Variants in DLG2 observed in about 807,000 individuals in gnomAD.
DLG2 encodes disks large homolog 2.
DLG2 carries 45 observed loss-of-function variants against 132.5 expected under a neutral mutation model. That is an observed-to-expected ratio of 0.34 (90% CI 0.27 to 0.44). DLG2 has a LOEUF of 0.44. DLG2 is among the 20% of genes least tolerant of loss of function. The pLI, the probability that DLG2 is intolerant of heterozygous loss-of-function variation, is 1.00. For missense variants in DLG2, 1,045 were observed against 1,196.9 expected (o/e 0.87, Z 1.87); for synonymous variants, 424 against 419.6 (o/e 1.01, Z -0.13).
At chr11:84,934,525 GTTTTTTTTTT>G (rs757894179) in intron 6 of DLG2, among the ~76,000 whole-genome samples, 1 of 38,636 alleles carries the variant, frequency 2.6e-5, no homozygotes, top group African/African-American at 1.1e-4. Flanking sequence ...GTTTTGTTTT[GTTTTTTTTTT>G]TTTTTTTTTT....
intron 3 of DLG2, among the ~76,000 whole-genome samples, chr11:85,542,384 T>C (rs1267803796): frequency 6.6e-6 from 1 of 152,174 alleles, no homozygotes; most frequent in African/African-American, 2.4e-5. Context: ...ATATTATACC[T>C]ATGCATTTGA....
At chr11:84,332,218 T>C (rs1274995331) in intron 7 of DLG2, among the ~76,000 whole-genome samples, 3 of 150,828 alleles carry the variant, frequency 2.0e-5, no homozygotes, top group Non-Finnish European at 3.0e-5. Flanking sequence ...TTTTTTTTTT[T>C]TTTCTTTTTC....
At chr11:83,685,027 T>C (rs988534468) in intron 18 of DLG2, among the ~76,000 whole-genome samples, 1 of 152,210 alleles carries the variant, frequency 6.6e-6, no homozygotes, top group African/African-American at 2.4e-5. Flanking sequence ...TAGTATTTAT[T>C]GAGCACTTAT....
intron 6 of DLG2, among the ~76,000 whole-genome samples, chr11:84,725,727 T>C (rs1028295373): frequency 6.6e-6 from 1 of 152,180 alleles, no homozygotes; most frequent in East Asian, 1.9e-4. Flanking sequence ...ATGGTGATAA[T>C]ACTATAGCAT....
rs543583428 is a variant in DLG2, at chr11:84,420,782, C to T, written c.519+113788G>A. Among the ~76,000 whole-genome samples the T allele has an allele frequency of 2.1e-3, 307 of 148,402 alleles. 2 individuals carry two copies. Among genetic ancestry groups the T allele is most frequent in the African/African-American group, 7.2e-3 (292 of 40,658 alleles). On this transcript the variant is annotated intron_variant, in intron 7 of 27. Transcript: ENST00000376104. ...CTCCCGGGTTCACGCCATTCTCCTG[C>T]CTCAGCCTCCCAAGTAGCTGGGACT...
At chr11:84,640,310 T>G in intron 6 of DLG2, 2 of 344,294 alleles carry the variant, frequency 5.8e-6, no homozygotes, top group South Asian at 4.8e-5. Context: ...TCTAGGAGAA[T>G]GGGTCTCTTG....
intron 3 of DLG2, among the ~76,000 whole-genome samples, chr11:85,451,482 A>G (rs180892854): frequency 8.7e-4 from 133 of 152,260 alleles, no homozygotes; most frequent in African/African-American, 3.1e-3. Flanking sequence ...GACTTGCTTT[A>G]TTGTAATATT....
At chr11:85,023,115 T>C (rs1004780213) in intron 6 of DLG2, among the ~76,000 whole-genome samples, 1 of 151,992 alleles carries the variant, frequency 6.6e-6, no homozygotes, top group African/African-American at 2.4e-5. Flanking sequence ...CTCTCACTTA[T>C]CAGTAAACCT....
chr11:85,507,775 T>C (rs527464534), intron 3 of DLG2, among the ~76,000 whole-genome samples: 11 of 152,256 alleles, frequency 7.2e-5, no homozygotes, highest in African/African-American at 2.4e-4. Flanking sequence ...TCTGGGAAGT[T>C]CTCCTGGATA....
intron 6 of DLG2, among the ~76,000 whole-genome samples, chr11:84,658,383 G>C (rs574570304): frequency 2.0e-5 from 3 of 152,102 alleles, no homozygotes; most frequent in African/African-American, 7.2e-5. Flanking sequence ...GTGTGATGGC[G>C]TTAGAAGGTG....
chr11:84,420,581 G>A (rs1271768587), intron 7 of DLG2, among the ~76,000 whole-genome samples: 3 of 147,660 alleles, frequency 2.0e-5, no homozygotes, highest in African/African-American at 7.4e-5. Flanking sequence ...AACCAATCAG[G>A]CCTTTAGAAT....
chr11:83,587,541 G>A (rs1233139539), intron 19 of DLG2, among the ~76,000 whole-genome samples: 1 of 152,150 alleles, frequency 6.6e-6, no homozygotes, highest in Non-Finnish European at 1.5e-5. Flanking sequence ...AAAGTGCTGG[G>A]ATTATAGGCA....
At chr11:84,345,564 A>G (rs1050857520) in intron 7 of DLG2, among the ~76,000 whole-genome samples, 10 of 152,324 alleles carry the variant, frequency 6.6e-5, no homozygotes, top group African/African-American at 2.4e-4. Context: ...AAAGAGTCAC[A>G]TGAAGATTCT....
At chr11:84,215,250 C>G (rs1272699753) in intron 8 of DLG2, among the ~76,000 whole-genome samples, 1 of 152,144 alleles carries the variant, frequency 6.6e-6, no homozygotes, top group Admixed American at 6.6e-5. Context: ...TAGAAAACTT[C>G]CACCTGATCA....
chr11:83,922,308 G>C (rs1045281247), intron 15 of DLG2, among the ~76,000 whole-genome samples: 1 of 152,042 alleles, frequency 6.6e-6, no homozygotes, highest in African/African-American at 2.4e-5. Context: ...ACCAAATGTA[G>C]CAAGAGTGGC....
chr11:85,487,317 A>G (rs1275214388), intron 3 of DLG2, among the ~76,000 whole-genome samples: 1 of 151,904 alleles, frequency 6.6e-6, no homozygotes, highest in African/African-American at 2.4e-5. Flanking sequence ...ATAAATCACA[A>G]TCAAAAATAA....
chr11:85,436,569 T>C (rs113481062), intron 3 of DLG2, among the ~76,000 whole-genome samples: 349 of 152,268 alleles, frequency 2.3e-3, no homozygotes, highest in African/African-American at 7.6e-3. Context: ...CACAGCATCA[T>C]TGATCATTAG....
intron 7 of DLG2, among the ~76,000 whole-genome samples, chr11:84,531,047 T>C (rs2099337785): frequency 6.6e-6 from 1 of 151,684 alleles, no homozygotes; most frequent in African/African-American, 2.4e-5. Context: ...ACCTGGGAGG[T>C]AGAGGTTGCA....
intron 6 of DLG2, among the ~76,000 whole-genome samples, chr11:84,679,488 A>G (rs943252327): frequency 6.6e-6 from 1 of 152,100 alleles, no homozygotes; most frequent in Admixed American, 6.6e-5. Flanking sequence ...AAAATAAAAT[A>G]AACCAAGAAA....
Sources: gnomAD v4.1 joint callset for allele counts (sites outside exome capture counted in the v4.1 genomes callset) on GRCh38, gnomAD v4.1.1 for gene constraint, MANE v1.5 for transcripts, NCBI Gene and HGNC (gene_info 2026-07-23, HGNC 2026-07-21) for gene names.